Variants in RIMS2 observed in about 807,000 individuals in gnomAD.
The protein encoded by RIMS2 is regulating synaptic membrane exocytosis protein 2.
In RIMS2, 59 loss-of-function variants were observed where a neutral mutation model predicts 174.4. The observed-to-expected ratio is 0.34, with a 90% CI of 0.27 to 0.42. RIMS2 has a LOEUF of 0.42. Ranked by LOEUF, RIMS2 falls within the 10% of genes least tolerant of loss-of-function variation. The probability of loss-of-function intolerance (pLI) is 1.00; values close to 1 mark genes in which losing one functional copy is unlikely to be tolerated. For synonymous variants in RIMS2, 606 were observed against 572.5 expected (o/e 1.06, Z -0.84); for missense variants, 1,620 against 1,666.3 (o/e 0.97, Z 0.48).
intron 17 of RIMS2, among the ~76,000 whole-genome samples, chr8:104,003,908 A>G (rs920692137): frequency 6.6e-6 from 1 of 152,204 alleles, no homozygotes; most frequent in Non-Finnish European, 1.5e-5. Context: ...TAGATGGAAG[A>G]ACAGAGAGAA....
chr8:103,994,744 A>G (rs1248065776), intron 17 of RIMS2, among the ~76,000 whole-genome samples: 1 of 152,070 alleles, frequency 6.6e-6, no homozygotes, highest in East Asian at 1.9e-4. Flanking sequence ...ACAGAATCTC[A>G]AGGAGGGTCA....
At chr8:103,606,684 C>G (rs962157426) in intron 1 of RIMS2, among the ~76,000 whole-genome samples, 1 of 152,040 alleles carries the variant, frequency 6.6e-6, no homozygotes, top group Non-Finnish European at 1.5e-5. Context: ...TCTGGGTGCT[C>G]CTATATTGGG....
intron 1 of RIMS2, among the ~76,000 whole-genome samples, chr8:103,606,580 T>G (rs889637708): frequency 1.5e-4 from 23 of 152,294 alleles, no homozygotes; most frequent in African/African-American, 5.1e-4. Flanking sequence ...CTCATTGATC[T>G]GTCTAATATT....
At chr8:103,857,778 T>C (rs1016296572) in intron 3 of RIMS2, among the ~76,000 whole-genome samples, 4 of 152,238 alleles carry the variant, frequency 2.6e-5, no homozygotes, top group Non-Finnish European at 4.4e-5. Flanking sequence ...TCACTATGTC[T>C]ATTACAACTC....
At chr8:103,570,628 C>T (rs1031187476) in intron 1 of RIMS2, among the ~76,000 whole-genome samples, 7 of 152,022 alleles carry the variant, frequency 4.6e-5, no homozygotes, top group Non-Finnish European at 5.9e-5. Flanking sequence ...AGCATAGTCC[C>T]CGGTTGTTAG....
chr8:103,978,713 G>T (rs2093652634), intron 16 of RIMS2, among the ~76,000 whole-genome samples: 1 of 152,184 alleles, frequency 6.6e-6, no homozygotes, highest in Admixed American at 6.5e-5. Context: ...ACAACTGACA[G>T]GGTTATAGAA....
intron 19 of RIMS2, among the ~76,000 whole-genome samples, chr8:104,034,812 A>C (rs2154556771): frequency 6.6e-6 from 1 of 152,210 alleles, no homozygotes; most frequent in East Asian, 1.9e-4. Flanking sequence ...AGTATAGATA[A>C]AGATCACTGG....
intron 1 of RIMS2, among the ~76,000 whole-genome samples, chr8:103,558,475 C>T (rs915249672): frequency 2.0e-5 from 3 of 152,302 alleles, no homozygotes; most frequent in Non-Finnish European, 2.9e-5. Flanking sequence ...CTGCCCACCT[C>T]GGCCTCCCAA....
chr8:103,882,650 C>A (rs1040200033), intron 3 of RIMS2, among the ~76,000 whole-genome samples: 3 of 151,446 alleles, frequency 2.0e-5, no homozygotes, highest in Non-Finnish European at 4.4e-5. Context: ...ATATTTCTGG[C>A]AAATTTGATA....
chr8:103,747,808 T>A (rs1172279670), intron 2 of RIMS2, among the ~76,000 whole-genome samples: 8 of 152,114 alleles, frequency 5.3e-5, no homozygotes, highest in Admixed American at 5.2e-4. Flanking sequence ...GGTCTGAAAT[T>A]CACTTTTGGA....
chr8:103,780,640 G>T (rs913327624), intron 3 of RIMS2, among the ~76,000 whole-genome samples: 1 of 151,826 alleles, frequency 6.6e-6, no homozygotes, highest in Admixed American at 6.6e-5. Context: ...TTCCTGAATT[G>T]CTTTCTGTGT....
chr8:103,937,949 A>G (rs923636193), intron 13 of RIMS2, among the ~76,000 whole-genome samples: 6 of 152,200 alleles, frequency 3.9e-5, no homozygotes, highest in African/African-American at 1.4e-4. Context: ...CTTGGGCTCA[A>G]GTAATTCTTC....
chr8:103,790,449 T>C (rs897411270), intron 3 of RIMS2, among the ~76,000 whole-genome samples: 2 of 152,256 alleles, frequency 1.3e-5, no homozygotes, highest in African/African-American at 2.4e-5. Context: ...TTCCTTTTTA[T>C]GATGGAATAT....
At chr8:103,926,086 T>A (rs1408132247) in intron 10 of RIMS2, among the ~76,000 whole-genome samples, 2 of 151,556 alleles carry the variant, frequency 1.3e-5, no homozygotes, top group African/African-American at 4.8e-5. Context: ...AAATGTTTGC[T>A]TTTAAAGGAT....
chr8:103,630,580 C>CA (rs61194218), intron 1 of RIMS2, among the ~76,000 whole-genome samples: 2,175 of 86,660 alleles, frequency 0.025, 32 homozygotes, highest in East Asian at 0.069. Flanking sequence ...AACTCCATCT[C>CA]AAAAAAAAAA....
intron 19 of RIMS2, among the ~76,000 whole-genome samples, chr8:104,018,430 A>G (rs972776778): frequency 7.2e-5 from 11 of 152,232 alleles, no homozygotes; most frequent in Admixed American, 5.9e-4. Flanking sequence ...ACCTCATTTT[A>G]TTAATGAATG....
At chr8:103,998,817 T>C (rs1198119768) in intron 17 of RIMS2, among the ~76,000 whole-genome samples, 1 of 151,782 alleles carries the variant, frequency 6.6e-6, no homozygotes, top group African/African-American at 2.4e-5. Flanking sequence ...CTACCACCAT[T>C]TCTCTTTCCA....
chr8:103,650,989 TG>T (rs2096441369), intron 1 of RIMS2, among the ~76,000 whole-genome samples: 1 of 152,210 alleles, frequency 6.6e-6, no homozygotes, highest in Non-Finnish European at 1.5e-5. Flanking sequence ...ATGGATCTCC[TG>T]CCTTGATGCA....
chr8:103,872,729 G>A (rs1430881461), intron 3 of RIMS2, among the ~76,000 whole-genome samples: 1 of 152,166 alleles, frequency 6.6e-6, no homozygotes, highest in African/African-American at 2.4e-5. Flanking sequence ...TTGGGCTTAT[G>A]TCTTTTCACT....
Sources: gnomAD v4.1 joint callset for allele counts (sites outside exome capture counted in the v4.1 genomes callset) on GRCh38, gnomAD v4.1.1 for gene constraint, MANE v1.5 for transcripts, NCBI Gene and HGNC (gene_info 2026-07-23, HGNC 2026-07-21) for gene names.